Variants in CAP2 observed in about 807,000 individuals in gnomAD.
The protein encoded by CAP2 is adenylyl cyclase-associated protein 2.
In CAP2, 24 loss-of-function variants were observed where a neutral mutation model predicts 57.7. The ratio of observed to expected loss-of-function variants is 0.42; its 90% CI spans 0.30 to 0.58. The LOEUF (loss-of-function observed/expected upper bound fraction) is 0.58. CAP2 is among the 20% of genes least tolerant of loss of function. The pLI is 0.22. For missense variants in CAP2, 501 were observed against 590.3 expected (o/e 0.85, Z 1.57); for synonymous variants, 194 against 207.2 (o/e 0.94, Z 0.55).
chr6:17,418,092 C>G (rs1199295297), intron 1 of CAP2, among the ~76,000 whole-genome samples: 1 of 152,134 alleles, frequency 6.6e-6, no homozygotes, highest in African/African-American at 2.4e-5. Flanking sequence ...TCTGCTCTTT[C>G]CTCATTCTTG....
At chr6:17,440,384 TTTG>T (rs1329490701) in intron 3 of CAP2, among the ~76,000 whole-genome samples, 5 of 151,604 alleles carry the variant, frequency 3.3e-5, no homozygotes, top group African/African-American at 9.8e-5. Context: ...GAAGTTCACT[TTTG>T]TTGTTGTTTA....
At chr6:17,411,977 TTC>T in intron 1 of CAP2, among the ~76,000 whole-genome samples, 1 of 152,268 alleles carries the variant, frequency 6.6e-6, no homozygotes, top group East Asian at 1.9e-4. Flanking sequence ...AGTGAAGGGT[TTC>T]TATCTCGTGT....
chr6:17,530,848 C>A, intron 7 of CAP2: 1 of 813,414 alleles, frequency 1.2e-6, no homozygotes, highest in Non-Finnish European at 1.9e-6. Flanking sequence ...AGAGCAGGTA[C>A]TGTTTATTAA....
chr6:17,527,018 G>T (rs1762529137), intron 7 of CAP2, among the ~76,000 whole-genome samples: 1 of 149,760 alleles, frequency 6.7e-6, no homozygotes, highest in Non-Finnish European at 1.5e-5. Context: ...TATTGGTCCA[G>T]TCTGCACCCT....
intron 1 of CAP2, among the ~76,000 whole-genome samples, chr6:17,420,053 G>A (rs1288897766): frequency 1.3e-5 from 2 of 151,866 alleles, no homozygotes; most frequent in Non-Finnish European, 2.9e-5. Context: ...TGTATTTTTA[G>A]TAGAGACGGG....
chr6:17,428,369 A>G (rs1759642302), intron 3 of CAP2, among the ~76,000 whole-genome samples: 2 of 152,172 alleles, frequency 1.3e-5, no homozygotes, highest in East Asian at 1.9e-4. Context: ...ATGAAAAGAA[A>G]TGTATCACTG....
intron 11 of CAP2, among the ~76,000 whole-genome samples, chr6:17,550,955 G>A (rs1205244573): frequency 6.6e-6 from 1 of 152,028 alleles, no homozygotes; most frequent in African/African-American, 2.4e-5. Flanking sequence ...TGAAAAGAAT[G>A]GTAGTGTTTC....
At chr6:17,524,092 A>G (rs959022028) in intron 7 of CAP2, among the ~76,000 whole-genome samples, 9 of 151,830 alleles carry the variant, frequency 5.9e-5, no homozygotes, top group African/African-American at 1.7e-4. Context: ...AAAAAAAAAA[A>G]AAAAGGAGTA....
chr6:17,396,749 C>T (rs13208405), intron 1 of CAP2, among the ~76,000 whole-genome samples: 1 of 151,906 alleles, frequency 6.6e-6, no homozygotes, highest in Non-Finnish European at 1.5e-5. Context: ...GATAGTCGCA[C>T]GTATCTGTGA....
chr6:17,532,511 C>G (rs112374492), intron 7 of CAP2, among the ~76,000 whole-genome samples: 44 of 145,940 alleles, frequency 3.0e-4, no homozygotes, highest in Non-Finnish European at 5.0e-4. Flanking sequence ...TTTGGGAGGC[C>G]GAGGTGGGTG....
Position 17,421,598 on chromosome 6 carries a change from G to A in CAP2, c.43G>A (p.Val15Ile). ...ACTGGTGGAAAGACTGGAACGAGCT[G>A]TCAGCCGCCTGGAGTCGCTGTCTGC... is the stretch of plus-strand genomic sequence containing the variant. ...QGLVERLERA[V>I]SRLESLSAES... The change falls in exon 2 of 13, where the codon GTC becomes ATC. Residue 15 changes from valine to isoleucine, a missense_variant. By Grantham distance (29) the Val-to-Ile change is conservative. Transcript: ENST00000229922. 6.2e-7 allele frequency: 1 copy of A among 1,614,180 alleles called. No individual in the cohort carries two copies. Among genetic ancestry groups the A allele is most frequent in the South Asian group, 1.1e-5 (1 of 91,080 alleles).
chr6:17,519,058 G>GT (rs1454639833), intron 7 of CAP2, among the ~76,000 whole-genome samples: 2 of 152,100 alleles, frequency 1.3e-5, no homozygotes, highest in South Asian at 4.1e-4. Flanking sequence ...AGTAATTGTT[G>GT]TTTTTTTCTA....
chr6:17,428,670 T>G (rs779464522), intron 3 of CAP2, among the ~76,000 whole-genome samples: 2 of 151,520 alleles, frequency 1.3e-5, no homozygotes, highest in Non-Finnish European at 1.5e-5. Context: ...ATATACCTAA[T>G]GCTAGATGAC....
At position 17,394,530 on chromosome 6, in the gene CAP2, T is replaced by G. The variant is rs556226052; in HGVS notation, c.-2+784T>G. On this transcript the variant is annotated intron_variant, in intron 1 of 12. Coordinates refer to ENST00000229922, the MANE Select transcript of CAP2 (RefSeq NM_006366.3). ...AATGAGTATGTATGGGTGACTGCAT[T>G]TAGGAAGTTGAACCGGGACTAGGTC... Among the ~76,000 whole-genome samples the G allele has an allele frequency of 2.9e-4, 44 of 152,324 alleles. No homozygotes were observed. In the South Asian group the frequency reaches 8.5e-3, roughly 29 times the overall value.
At chr6:17,526,889 G>A (rs1257448582) in intron 7 of CAP2, among the ~76,000 whole-genome samples, 1 of 149,244 alleles carries the variant, frequency 6.7e-6, no homozygotes, top group Non-Finnish European at 1.5e-5. Context: ...CCCAGGAGGC[G>A]GAGATTGCAG....
At chr6:17,488,134 C>T (rs972249770) in intron 4 of CAP2, among the ~76,000 whole-genome samples, 6 of 152,132 alleles carry the variant, frequency 3.9e-5, no homozygotes, top group Non-Finnish European at 7.3e-5. Flanking sequence ...TCCTGAACTC[C>T]TGGACTCAAG....
rs1034998524 is a variant in CAP2, at chr6:17,441,936, A to T, written c.222+15246A>T. Among the ~76,000 whole-genome samples the T allele has an allele frequency of 2.7e-5, 4 of 149,644 alleles. No individual in the cohort carries two copies. The Admixed American group carries it at 2.7e-4, about 10-fold the overall frequency. The stretch of plus-strand genomic sequence containing the variant: ...ACCTACACTTTTCAAATTTAAAATT[A>T]AAAAAAAAACAGCAACAATAACATG... On this transcript the variant is annotated intron_variant, in intron 3 of 12. Coordinates refer to ENST00000229922, the MANE Select transcript of CAP2 (RefSeq NM_006366.3).
chr6:17,538,944 G>T (rs1424881873), intron 7 of CAP2, among the ~76,000 whole-genome samples: 1 of 152,166 alleles, frequency 6.6e-6, no homozygotes, highest in African/African-American at 2.4e-5. Flanking sequence ...ATTGGCCAAG[G>T]CCCAGTGTCA....
intron 7 of CAP2, among the ~76,000 whole-genome samples, chr6:17,516,564 C>G (rs956424009): frequency 1.9e-4 from 29 of 152,188 alleles, no homozygotes; most frequent in African/African-American, 7.0e-4. Context: ...CACTAAAGAA[C>G]TTACTCGTGT....
Sources: gnomAD v4.1 joint callset for allele counts (sites outside exome capture counted in the v4.1 genomes callset) on GRCh38, gnomAD v4.1.1 for gene constraint, MANE v1.5 for transcripts, NCBI Gene and HGNC (gene_info 2026-07-23, HGNC 2026-07-21) for gene names.